Variants in NCALD observed in about 807,000 individuals in gnomAD.
NCALD encodes neurocalcin-delta.
NCALD carries 10 observed loss-of-function variants against 18.6 expected under a neutral mutation model. The observed-to-expected ratio is 0.54, with a 90% CI of 0.33 to 0.91. NCALD has a LOEUF of 0.91. Among genes scored for constraint, NCALD ranks in the 40% least tolerant of loss-of-function variants. The pLI is 0.03. For synonymous variants in NCALD, 88 were observed against 87.4 expected (o/e 1.01, Z -0.04); for missense variants, 184 against 247.6 (o/e 0.74, Z 1.72).
At chr8:101,933,668 A>G (rs576348979) in intron 2 of NCALD, among the ~76,000 whole-genome samples, 13 of 152,184 alleles carry the variant, frequency 8.5e-5, no homozygotes, top group Middle Eastern at 6.8e-3. Context: ...GACAACCTAC[A>G]CATTATATTC....
chr8:102,010,384 A>G (rs1041507410), intron 2 of NCALD, among the ~76,000 whole-genome samples: 1 of 152,232 alleles, frequency 6.6e-6, no homozygotes, highest in African/African-American at 2.4e-5. Context: ...ATCAGCAATT[A>G]TAAAATATCC....
At chr8:101,892,528 A>G (rs1161227526) in intron 3 of NCALD, among the ~76,000 whole-genome samples, 6 of 148,238 alleles carry the variant, frequency 4.0e-5, no homozygotes, top group East Asian at 1.9e-4. Context: ...ACTTTGACAA[A>G]TTGAGAGAAG....
intron 1 of NCALD, among the ~76,000 whole-genome samples, chr8:102,116,248 A>C (rs1825781328): frequency 6.6e-6 from 1 of 151,372 alleles, no homozygotes; most frequent in South Asian, 2.1e-4. Flanking sequence ...CCTAGAACTT[A>C]AAGTATAATA....
intron 2 of NCALD, among the ~76,000 whole-genome samples, chr8:101,930,857 A>G (rs1270575800): frequency 6.6e-6 from 1 of 152,128 alleles, no homozygotes; most frequent in Admixed American, 6.5e-5. Flanking sequence ...CCAGCACATC[A>G]AGTGCCTGGG....
intron 1 of NCALD, 38 bp from the exon 2 acceptor site, chr8:101,719,686 C>A: frequency 6.6e-7 from 1 of 1,504,878 alleles, no homozygotes. Context: ...ATTTGTAGAG[C>A]TGCTCTTTAG....
At chr8:101,989,118 T>C (rs1820947480) in intron 2 of NCALD, among the ~76,000 whole-genome samples, 1 of 152,182 alleles carries the variant, frequency 6.6e-6, no homozygotes, top group Non-Finnish European at 1.5e-5. Context: ...CTACTGGGAC[T>C]GAACCTCGTG....
chr8:101,932,990 A>G (rs995446738), intron 2 of NCALD, among the ~76,000 whole-genome samples: 3 of 152,240 alleles, frequency 2.0e-5, no homozygotes, highest in African/African-American at 7.2e-5. Context: ...ATTGATAGCA[A>G]CAATTTTTCT....
rs543623535 is a variant in NCALD at position 101,888,246 on chromosome 8, T to C, written c.-106-1019A>G. 2.1e-4 allele frequency among the ~76,000 whole-genome samples: 32 copies of C among 152,152 alleles called. 1 individual carries two copies. Among genetic ancestry groups the C allele is most frequent in the African/African-American group, 7.5e-4 (31 of 41,498 alleles). ...GATCAGCAAATGTCCACCACAACAG[T>C]GCTTGACAATAATCTGAAGACTGAT... is the stretch of plus-strand genomic sequence containing the variant. On this transcript the variant is annotated intron_variant, in intron 3 of 6. Coordinates refer to the NCALD transcript ENST00000311028.
intron 4 of NCALD, among the ~76,000 whole-genome samples, chr8:101,838,352 G>A (rs1269991412): frequency 6.6e-6 from 1 of 152,144 alleles, no homozygotes; most frequent in Non-Finnish European, 1.5e-5. Context: ...CTCCCGAGTA[G>A]CTGGGACTAC....
chr8:101,863,807 G>A (rs969617622), intron 4 of NCALD, among the ~76,000 whole-genome samples: 1 of 152,258 alleles, frequency 6.6e-6, no homozygotes, highest in South Asian at 2.1e-4. Context: ...ACAAAGATCT[G>A]GATGAAATGC....
At chr8:102,032,463 AAATCCTCCC>A (rs150224144) in intron 1 of NCALD, among the ~76,000 whole-genome samples, 4,027 of 152,190 alleles carry the variant, frequency 0.026, 157 homozygotes, top group African/African-American at 0.09. Context: ...CGTAGAGAGA[AAATCCTCCC>A]AGTTGGCAGA....
chr8:102,061,335 C>A (rs1435035006), intron 1 of NCALD, among the ~76,000 whole-genome samples: 1 of 152,164 alleles, frequency 6.6e-6, no homozygotes, highest in Non-Finnish European at 1.5e-5. Flanking sequence ...CATAGGGTTA[C>A]CCCAGCAGCC....
intron 1 of NCALD, among the ~76,000 whole-genome samples, chr8:101,780,519 T>C (rs1301767183): frequency 1.3e-5 from 2 of 152,184 alleles, no homozygotes; most frequent in Non-Finnish European, 2.9e-5. Context: ...TCCCTCAAAA[T>C]GTCCCTGTTT....
intron 2 of NCALD, among the ~76,000 whole-genome samples, chr8:101,973,481 C>G (rs369444826): frequency 6.6e-6 from 1 of 152,120 alleles, no homozygotes; most frequent in African/African-American, 2.4e-5. Context: ...GGTGCATATT[C>G]CCCAGGATAA....
intron 2 of NCALD, among the ~76,000 whole-genome samples, chr8:101,701,569 G>C (rs1008933368): frequency 6.6e-6 from 1 of 152,124 alleles, no homozygotes; most frequent in African/African-American, 2.4e-5. Context: ...TTTTCTCTTT[G>C]AAGGAACAAC....
At chr8:101,895,077 C>G (rs183878294) in intron 3 of NCALD, among the ~76,000 whole-genome samples, 5,879 of 145,386 alleles carry the variant, frequency 0.04, 268 homozygotes, top group African/African-American at 0.1. Flanking sequence ...GAATTTTATA[C>G]CAATATCCTT....
At chr8:101,754,682 C>A (rs1413192605) in intron 1 of NCALD, among the ~76,000 whole-genome samples, 1 of 152,084 alleles carries the variant, frequency 6.6e-6, no homozygotes, top group East Asian at 1.9e-4. Flanking sequence ...CAGACCATAG[C>A]AGGTGTTATC....
chr8:101,908,531 A>G (rs1817686340), intron 3 of NCALD, among the ~76,000 whole-genome samples: 1 of 152,188 alleles, frequency 6.6e-6, no homozygotes, highest in South Asian at 2.1e-4. Flanking sequence ...ATATGTTCAC[A>G]TCCTTGTACT....
rs572354677 is a variant in NCALD, at chr8:102,006,908, C to T, written c.-157+13329G>A. On this transcript the variant is annotated intron_variant, in intron 2 of 6. Transcript: ENST00000311028. ...GTCCTGCTGGGTCCCTCAGTGATAC[C>T]GGCATGACTTGGGATGAAGAGCACA... Among the ~76,000 whole-genome samples the T allele has an allele frequency of 6.6e-5, 10 of 152,232 alleles. No homozygotes were observed. The East Asian group carries it at 1.7e-3, about 26-fold the overall frequency.
Sources: gnomAD v4.1 joint callset for allele counts (sites outside exome capture counted in the v4.1 genomes callset) on GRCh38, gnomAD v4.1.1 for gene constraint, MANE v1.5 for transcripts, NCBI Gene and HGNC (gene_info 2026-07-23, HGNC 2026-07-21) for gene names.